RIC1: variants seen among roughly 807,000 people sequenced by gnomAD.
The protein encoded by RIC1 is guanine nucleotide exchange factor subunit RIC1.
A neutral mutation model predicts 169.0 loss-of-function variants in RIC1; 88 were observed. That is an observed-to-expected ratio of 0.52 (90% CI 0.44 to 0.62). RIC1 has a LOEUF of 0.62. Ranked by LOEUF, RIC1 falls within the 20% of genes least tolerant of loss-of-function variation. The pLI is 0.00. For synonymous variants in RIC1, 790 were observed against 601.5 expected (o/e 1.31, Z -4.59); for missense variants, 1,877 against 1,725.5 (o/e 1.09, Z -1.56).
chr9:5,674,759 C>A (rs1416327988), intron 2 of RIC1, among the ~76,000 whole-genome samples: 1 of 152,178 alleles, frequency 6.6e-6, no homozygotes, highest in African/African-American at 2.4e-5. Flanking sequence ...TCCTTCTCTC[C>A]CCTCCAGCCC....
intron 1 of RIC1, among the ~76,000 whole-genome samples, chr9:5,631,562 C>T (rs1276364225): frequency 6.6e-6 from 1 of 151,878 alleles, no homozygotes; most frequent in African/African-American, 2.4e-5. Flanking sequence ...TGGTGCACGC[C>T]TATAGCCCCA....
intron 6 of RIC1, among the ~76,000 whole-genome samples, chr9:5,721,417 C>A (rs147841831): frequency 6.6e-6 from 1 of 152,218 alleles, no homozygotes; most frequent in African/African-American, 2.4e-5. Flanking sequence ...TCCCACTTCA[C>A]AGATTGATTA....
chr9:5,713,343 G>C (rs368865470), intron 3 of RIC1: 2 of 152,398 alleles, frequency 1.3e-5, no homozygotes, highest in African/African-American at 2.4e-5. Context: ...GCAGCTATTT[G>C]ATGCCAGGGA....
In RIC1 at chr9:5,642,684, C is replaced by T. The variant is rs1000375377; in HGVS notation, c.144+13231C>T. ...CTCTGTGGCCACCACTACCACAGGG[C>T]CATAGTGGGTTCTGCCTGGCCACTG... On this transcript the variant is annotated intron_variant, in intron 1 of 25. Coordinates refer to ENST00000414202, the MANE Select transcript of RIC1 (RefSeq NM_020829.4). Among the ~76,000 whole-genome samples, 52 of 144,824 alleles carry T rather than the reference C, an allele frequency of 3.6e-4. 2 individuals carry two copies. The highest frequency in any genetic ancestry group is 5.9e-4 in the Non-Finnish European group (40 of 67,340).
At chr9:5,664,664 C>G (rs914652785) in intron 2 of RIC1, among the ~76,000 whole-genome samples, 1 of 152,014 alleles carries the variant, frequency 6.6e-6, no homozygotes, top group Non-Finnish European at 1.5e-5. Context: ...GCCTGTCTTC[C>G]TAGGTTGGGG....
intron 12 of RIC1, among the ~76,000 whole-genome samples, chr9:5,752,257 A>G (rs182898539): frequency 2.0e-5 from 3 of 152,280 alleles, no homozygotes; most frequent in Non-Finnish European, 4.4e-5. Context: ...GTAATATATT[A>G]AAAGTTCTTG....
At chr9:5,653,476 T>C (rs115300566) in intron 1 of RIC1, among the ~76,000 whole-genome samples, 101 of 152,364 alleles carry the variant, frequency 6.6e-4, no homozygotes, top group African/African-American at 2.3e-3. Flanking sequence ...TTGCTGGGAA[T>C]TTGATTGAGA....
chr9:5,765,677 G>A lies in RIC1; in HGVS notation c.3016G>A (p.Gly1006Ser). 6.2e-7 allele frequency: 1 copy of A among 1,614,148 alleles called. No homozygotes were observed. Among genetic ancestry groups the A allele is most frequent in the Non-Finnish European group, 8.5e-7 (1 of 1,180,008 alleles). The part of the protein sequence containing the change: ...TPTAQEPSSS[G>S]GFEFFRNRSI... ...GTAATCCTAGGAACCCAGTTCAAGT[G>A]GTGGATTTGAGTTCTTCAGGAATCG... is the stretch of plus-strand genomic sequence containing the variant. Residue 1006 changes from glycine to serine, a missense_variant, in exon 21 of 26, where the codon GGT becomes AGT. By Grantham distance (56) the Gly-to-Ser change is moderately conservative. Around this residue, in one of 3 missense-constraint regions of RIC1, gnomAD observed 681 missense variants for 582.0 expected, o/e 1.17. Coordinates refer to ENST00000414202, the MANE Select transcript of RIC1 (RefSeq NM_020829.4).
intron 3 of RIC1, among the ~76,000 whole-genome samples, chr9:5,709,217 G>A (rs757087121): frequency 6.6e-6 from 1 of 152,150 alleles, no homozygotes; most frequent in Non-Finnish European, 1.5e-5. Flanking sequence ...TAAGAAGGCA[G>A]GAAACTGCAG....
At chr9:5,705,489 G>C (rs2381368) in intron 3 of RIC1, among the ~76,000 whole-genome samples, 4 of 151,900 alleles carry the variant, frequency 2.6e-5, no homozygotes, top group Non-Finnish European at 5.9e-5. Context: ...TGTTGATCAT[G>C]TACTACAGCT....
chr9:5,744,440 G>A (rs183377040), intron 10 of RIC1, among the ~76,000 whole-genome samples: 94 of 152,248 alleles, frequency 6.2e-4, no homozygotes, highest in Admixed American at 5.1e-3. Context: ...AACAATACAG[G>A]TTGAGTACCC....
intron 1 of RIC1, among the ~76,000 whole-genome samples, chr9:5,649,077 A>G (rs778509065): frequency 6.6e-6 from 1 of 152,162 alleles, no homozygotes; most frequent in Non-Finnish European, 1.5e-5. Context: ...AAAGGCTGCA[A>G]TGAGCTATGA....
intron 2 of RIC1, among the ~76,000 whole-genome samples, chr9:5,671,136 T>C (rs552272282): frequency 6.6e-6 from 1 of 152,186 alleles, no homozygotes; most frequent in African/African-American, 2.4e-5. Flanking sequence ...ATTTACACTT[T>C]AGCAGAATTC....
intron 9 of RIC1, among the ~76,000 whole-genome samples, chr9:5,743,230 C>T (rs909280853): frequency 6.6e-6 from 1 of 152,192 alleles, no homozygotes; most frequent in African/African-American, 2.4e-5. Context: ...ATTTATTGAA[C>T]CCCTGCTGTA....
At chr9:5,664,661 T>A (rs1443042631) in intron 2 of RIC1, among the ~76,000 whole-genome samples, 1 of 152,196 alleles carries the variant, frequency 6.6e-6, no homozygotes, top group African/African-American at 2.4e-5. Flanking sequence ...TTGGCCTGTC[T>A]TCCTAGGTTG....
At chr9:5,641,250 C>T (rs1818228550) in intron 1 of RIC1, among the ~76,000 whole-genome samples, 1 of 151,982 alleles carries the variant, frequency 6.6e-6, no homozygotes, top group African/African-American at 2.4e-5. Flanking sequence ...CACCACCACA[C>T]CCGGCTAATT....
chr9:5,768,721 T>A (rs1826975640), intron 21 of RIC1, among the ~76,000 whole-genome samples: 2 of 152,220 alleles, frequency 1.3e-5, no homozygotes, highest in Admixed American at 1.3e-4. Context: ...CTTCCTGGTC[T>A]GACTTCTTCT....
At chr9:5,668,858 G>C (rs896377110) in intron 2 of RIC1, among the ~76,000 whole-genome samples, 2 of 152,048 alleles carry the variant, frequency 1.3e-5, no homozygotes, top group African/African-American at 4.8e-5. Flanking sequence ...TTGATTTAAT[G>C]TCTCAGATTA....
chr9:5,633,958 G>A (rs1300554475), intron 1 of RIC1, among the ~76,000 whole-genome samples: 1 of 151,998 alleles, frequency 6.6e-6, no homozygotes, highest in East Asian at 1.9e-4. Flanking sequence ...TGAATTTGAC[G>A]TCTTTATATT....
Sources: gnomAD v4.1 joint callset for allele counts (sites outside exome capture counted in the v4.1 genomes callset) on GRCh38, gnomAD v4.1.1 for gene constraint, gnomAD v4.1.1 regional missense constraint, MANE v1.5 for transcripts, NCBI Gene and HGNC (gene_info 2026-07-23, HGNC 2026-07-21) for gene names.